The following VPS13D variants were observed in gnomAD, a reference collection of about 807,000 sequenced individuals.
VPS13D encodes the protein vacuolar protein sorting 13 homolog D.
VPS13D carries 187 observed loss-of-function variants against 461.9 expected under a neutral mutation model. The observed-to-expected ratio is 0.40, with a 90% CI of 0.36 to 0.46. The LOEUF is 0.46. Ranked by LOEUF, VPS13D falls within the 20% of genes least tolerant of loss-of-function variation. The probability of loss-of-function intolerance (pLI) is 0.60; values close to 1 mark genes in which losing one functional copy is unlikely to be tolerated. For missense variants in VPS13D, 4,711 were observed against 5,364.9 expected (o/e 0.88, Z 3.81); for synonymous variants, 1,951 against 1,986.3 (o/e 0.98, Z 0.47).
Position 12,279,958 on chromosome 1 carries a change from A to G in VPS13D, c.4602+308A>G, listed in dbSNP as rs559408516. Among the ~76,000 whole-genome samples the G allele has an allele frequency of 6.6e-6, 1 of 152,284 alleles. No individual in the cohort carries two copies. ...TTACAAAGTCAGAGTCTCCTTTCCC[A>G]GGAGGATATCATTCTTGTCACACTT... On this transcript the variant is annotated intron_variant, in intron 20 of 69. Coordinates refer to ENST00000620676, the MANE Select transcript of VPS13D (RefSeq NM_015378.4). The surrounding 1 kb of genome is among the most constrained non-coding windows in gnomAD (Gnocchi z 4.3).
chr1:12,359,042 A>C (rs975970274), intron 50 of VPS13D, among the ~76,000 whole-genome samples: 2 of 152,170 alleles, frequency 1.3e-5, no homozygotes, highest in African/African-American at 2.4e-5. Context: ...GCAAAGGGGA[A>C]GTCTGGGTCA....
intron 38 of VPS13D, among the ~76,000 whole-genome samples, chr1:12,333,645 C>T (rs1354091021): frequency 6.6e-6 from 1 of 152,216 alleles, no homozygotes; most frequent in Non-Finnish European, 1.5e-5. Context: ...AATGCTTGGT[C>T]ACTAGAGTTT....
Position 12,293,650 on chromosome 1 carries a change from C to T in VPS13D, c.5979C>T (p.Phe1993=). The T allele has an allele frequency of 6.2e-7, 1 of 1,614,170 alleles. No homozygotes were observed. Among genetic ancestry groups the T allele is most frequent in the South Asian group, 1.1e-5 (1 of 91,084 alleles). The change falls in exon 24 of 70, where the codon TTC becomes TTT. Residue 1993 remains phenylalanine, a synonymous_variant. Coordinates refer to ENST00000620676, the MANE Select transcript of VPS13D (RefSeq NM_015378.4). ...AGGTGGTGGCCTTCATTCAGCATTT[C>T]ACTCAGCTGCAGGATGTCTTAGGGC... The part of the protein sequence containing the change: ...QAEVVAFIQH[F]TQLQDVLGRQ...
At chr1:12,463,091 G>C (rs531238508) in intron 67 of VPS13D, among the ~76,000 whole-genome samples, 1 of 152,026 alleles carries the variant, frequency 6.6e-6, no homozygotes, top group East Asian at 1.9e-4. Context: ...CAACAACAAA[G>C]TTTAACTGCA....
intron 50 of VPS13D, 129 bp downstream of exon 50, chr1:12,358,730 G>T (rs555276330): frequency 2.5e-6 from 3 of 1,205,578 alleles, no homozygotes; most frequent in African/African-American, 3.1e-5. Flanking sequence ...ATTGGGTCAG[G>T]TATCTGTTCT....
intron 67 of VPS13D, among the ~76,000 whole-genome samples, chr1:12,478,211 C>G (rs772841957): frequency 6.6e-6 from 1 of 152,248 alleles, no homozygotes; most frequent in African/African-American, 2.4e-5. Flanking sequence ...AACTAACAAC[C>G]CTGTAGTCCT....
At chr1:12,414,978 C>A in intron 63 of VPS13D, 109 bp from the exon 64 acceptor site, 1 of 1,321,638 alleles carries the variant, frequency 7.6e-7, no homozygotes, top group East Asian at 2.4e-5. Context: ...AAACCTGACC[C>A]TCATTCGAAA....
At chr1:12,253,670 T>G (rs564133043) in intron 6 of VPS13D, 52 bp from the exon 7 acceptor site, 1 of 1,378,134 alleles carries the variant, frequency 7.3e-7, no homozygotes, top group Non-Finnish European at 1.0e-6. Flanking sequence ...ATGAATGACA[T>G]TCACGAATAA....
intron 65 of VPS13D, among the ~76,000 whole-genome samples, chr1:12,419,120 C>T (rs1644830676): frequency 6.6e-6 from 1 of 152,298 alleles, no homozygotes; most frequent in South Asian, 2.1e-4. Context: ...CAGTGTCCTC[C>T]CTACCCCCAC....
At chr1:12,506,818 AG>A in intron 68 of VPS13D, 34 bp from the exon 69 acceptor site, 1 of 1,603,586 alleles carries the variant, frequency 6.2e-7, no homozygotes, top group African/African-American at 1.3e-5. Flanking sequence ...GCGAAGCCCC[AG>A]GTGTCACTCC....
chr1:12,483,805 C>T (rs952984910), intron 67 of VPS13D, among the ~76,000 whole-genome samples: 1 of 152,204 alleles, frequency 6.6e-6, no homozygotes, highest in East Asian at 1.9e-4. Context: ...CGAGACCAGC[C>T]TGACCAACAT....
intron 58 of VPS13D, among the ~76,000 whole-genome samples, chr1:12,384,655 T>C (rs1644327620): frequency 6.6e-6 from 1 of 152,188 alleles, no homozygotes; most frequent in African/African-American, 2.4e-5. Context: ...TGTCACTCTC[T>C]TTCACCTAGG....
rs1174767797 is a variant in VPS13D, at chr1:12,508,819, C to T, written c.13036-74C>T. On this transcript the variant is annotated intron_variant, in intron 69 of 69. Transcript: ENST00000620676. ...CCTGAGATGCAGCTGGGCTGGGAGCCGCCACCTGGGTGGATCTGATTCCTG... is the reference window on the plus strand; with the variant it reads ...CCTGAGATGCAGCTGGGCTGGGAGCTGCCACCTGGGTGGATCTGATTCCTG... The T allele has an allele frequency of 2.9e-5, 45 of 1,543,850 alleles. No homozygotes were observed. The Middle Eastern group carries it at 6.9e-4, about 24-fold the overall frequency.
At chr1:12,481,571 G>T (rs1021175955) in intron 67 of VPS13D, among the ~76,000 whole-genome samples, 6 of 152,150 alleles carry the variant, frequency 3.9e-5, no homozygotes, top group Admixed American at 6.5e-5. Context: ...TTTTATGAAG[G>T]CACAGAAATG....
intron 42 of VPS13D, among the ~76,000 whole-genome samples, chr1:12,344,170 G>T (rs954128115): frequency 1.3e-5 from 2 of 152,224 alleles, no homozygotes; most frequent in Admixed American, 1.3e-4. Context: ...AATAGGTTAA[G>T]ACAGCATTTG....
rs1642983752 is a variant in VPS13D, at chr1:12,319,702, C to T, written c.7548+72C>T. ...GCAAAGCATCTGGAAGAGAATTTTC[C>T]CTCTTAAACTTTCATGAGGGGAAGG... On this transcript the variant is annotated intron_variant, in intron 32 of 69. Coordinates refer to ENST00000620676, the MANE Select transcript of VPS13D (RefSeq NM_015378.4). The T allele has an allele frequency of 3.7e-6, 6 of 1,601,082 alleles. No individual in the cohort carries two copies. The Admixed American group carries it at 5.1e-5, about 14-fold the overall frequency.
intron 67 of VPS13D, among the ~76,000 whole-genome samples, chr1:12,486,642 C>CT (rs754330547): frequency 1.6e-4 from 25 of 152,200 alleles, no homozygotes; most frequent in Admixed American, 1.3e-3. Flanking sequence ...TAGTGTCCCC[C>CT]CCACGTTGGA....
intron 67 of VPS13D, among the ~76,000 whole-genome samples, chr1:12,479,936 G>A (rs1383333849): frequency 6.6e-6 from 1 of 152,216 alleles, no homozygotes; most frequent in Non-Finnish European, 1.5e-5. Context: ...CACAGAGACA[G>A]TGTGAGGGAT....
In VPS13D at chr1:12,509,101, G is replaced by A. The variant is rs902466744; in HGVS notation, c.*77G>A. ...GAAAGAGGCCCAGCTCTCAGCTGAC[G>A]ATGGAGGCAGAACCGGAGTCGGGTT... On this transcript the variant is annotated 3_prime_UTR_variant, in exon 70 of 70. Coordinates refer to ENST00000620676, the MANE Select transcript of VPS13D (RefSeq NM_015378.4). 5.7e-5 allele frequency: 86 copies of A among 1,509,056 alleles called. No individual in the cohort carries two copies. The highest frequency in any genetic ancestry group is 3.6e-4 in the Admixed American group (17 of 46,796). 93.5% of individuals were successfully genotyped at this position (1,509,056 alleles called of 1,614,324 possible).
Sources: allele counts gnomAD v4.1 joint callset (sites outside exome capture counted in the v4.1 genomes callset), GRCh38; gene constraint gnomAD v4.1.1; non-coding constraint Gnocchi (gnomAD v3.1); transcripts MANE v1.5; gene names NCBI Gene and HGNC (gene_info 2026-07-23, HGNC 2026-07-21).